MEGF6: variants seen among roughly 807,000 people sequenced by gnomAD.
The protein encoded by MEGF6 is multiple epidermal growth factor-like domains protein 6.
MEGF6 carries 184 observed loss-of-function variants against 207.1 expected under a neutral mutation model. That is an observed-to-expected ratio of 0.89 (90% CI 0.79 to 1.00). The LOEUF (loss-of-function observed/expected upper bound fraction) is 1.00. Among genes scored for constraint, MEGF6 ranks in the 50% least tolerant of loss-of-function variants. MEGF6 has a pLI of 0.00. For synonymous variants in MEGF6, 1,038 were observed against 910.0 expected (o/e 1.14, Z -2.53); for missense variants, 2,282 against 2,202.9 (o/e 1.04, Z -0.72).
chr1:3,599,362 G>T (rs1350136869), intron 2 of MEGF6, among the ~76,000 whole-genome samples: 1 of 152,224 alleles, frequency 6.6e-6, no homozygotes, highest in African/African-American at 2.4e-5. Flanking sequence ...CCCTCGGGCT[G>T]TGGGGTGAGC....
rs772320790 is a variant in MEGF6 at position 3,515,443 on chromosome 1, C to G, written c.689G>C (p.Arg230Pro). The G allele has an allele frequency of 6.2e-7, 1 of 1,612,550 alleles. No homozygotes were observed. The highest frequency in any genetic ancestry group is 8.5e-7 in the Non-Finnish European group (1 of 1,179,916). The change falls in exon 6 of 37, where the codon CGG becomes CCG. Residue 230 changes from arginine (R) to proline (P), a missense_variant. Coordinates refer to ENST00000356575, the MANE Select transcript of MEGF6 (RefSeq NM_001409.4). The stretch of plus-strand genomic sequence containing the variant: ...GTCCTCCTGGAGCTGGAACCCGGGC[C>G]GGCACTGGCAGCGATGCCGAGTGAT... Reference protein sequence around the residue: ...LTITRHRCQCRPGFQLQEDGR... With the variant: ...LTITRHRCQCPPGFQLQEDGR...
At chr1:3,547,484 C>T (rs553138851) in intron 4 of MEGF6, among the ~76,000 whole-genome samples, 107 of 152,282 alleles carry the variant, frequency 7.0e-4, no homozygotes, top group African/African-American at 2.4e-3. Context: ...GTGTGTGTTC[C>T]GGTCAAGCGG....
intron 2 of MEGF6, 128 bp downstream of exon 2, chr1:3,602,338 C>T: frequency 2.2e-6 from 3 of 1,385,004 alleles, no homozygotes; most frequent in Non-Finnish European, 2.9e-6. Context: ...ATGAGGGCTT[C>T]AGGCAGGGGT....
Position 3,511,672 on chromosome 1 carries a change from A to G in MEGF6, c.992T>C (p.Ile331Thr), listed in dbSNP as rs1641350512. 6.2e-7 allele frequency: 1 copy of G among 1,608,726 alleles called. No homozygotes were observed. The highest frequency in any genetic ancestry group is 1.3e-5 in the African/African-American group (1 of 74,918). Residue 331 changes from isoleucine to threonine, a missense_variant, in exon 9 of 37, where the codon ATC becomes ACC. By Grantham distance (89) the Ile-to-Thr change is moderately conservative. Transcript: ENST00000356575. ...GRQCYRIEMEIVNSCEANNGG... is the reference protein window; with the variant it reads ...GRQCYRIEMETVNSCEANNGG... ...GTTGTTGGCCTCACAGCTGTTCACG[A>G]TTTCCATCTCAATCCCTGCCGTGAG...
chr1:3,511,978 T>A (rs1641366567), intron 8 of MEGF6, 28 bp downstream of exon 8: 2 of 1,611,416 alleles, frequency 1.2e-6, no homozygotes, highest in East Asian at 4.5e-5. Context: ...CCCGGGCACC[T>A]TCAGCCTGTT....
At chr1:3,562,063 AAGGGGT>A (rs1244270760) in intron 4 of MEGF6, among the ~76,000 whole-genome samples, 1 of 152,146 alleles carries the variant, frequency 6.6e-6, no homozygotes, top group Non-Finnish European at 1.5e-5. Flanking sequence ...AACCAAGGGT[AAGGGGT>A]AGGGGTAGGG....
upstream of MEGF6, among the ~76,000 whole-genome samples, chr1:3,615,905 A>T (rs1431792208): frequency 6.6e-6 from 1 of 152,250 alleles, no homozygotes; most frequent in African/African-American, 2.4e-5. Context: ...AGTAGACATA[A>T]GGAGTGGACA....
intron 35 of MEGF6, among the ~76,000 whole-genome samples, chr1:3,492,393 C>G (rs1033159784): frequency 4.6e-5 from 7 of 151,944 alleles, no homozygotes; most frequent in Non-Finnish European, 1.0e-4. Flanking sequence ...TGGGCTGTTT[C>G]CAGCTGGCAG....
chr1:3,536,117 A>G (rs914903447), intron 4 of MEGF6, among the ~76,000 whole-genome samples: 4 of 151,760 alleles, frequency 2.6e-5, no homozygotes, highest in Non-Finnish European at 5.9e-5. Flanking sequence ...CTAGACACTC[A>G]CCCTTCCTCC....
intron 13 of MEGF6, 145 bp from the exon 14 acceptor site, chr1:3,508,068 C>T: frequency 1.2e-6 from 1 of 838,604 alleles, no homozygotes. Context: ...TGCCCATGCT[C>T]ATGGCAGACA....
intron 2 of MEGF6, among the ~76,000 whole-genome samples, chr1:3,596,961 G>C (rs1350426250): frequency 6.6e-6 from 1 of 152,054 alleles, no homozygotes; most frequent in African/African-American, 2.4e-5. Context: ...TCCTTGTCTG[G>C]GCCTCTTCCA....
At chr1:3,492,550 T>C (rs1235196835) in intron 35 of MEGF6, 89 bp downstream of exon 35, 1 of 1,562,192 alleles carries the variant, frequency 6.4e-7, no homozygotes. Flanking sequence ...AACTCCGCAG[T>C]GGGTGAGAGA....
intron 1 of MEGF6, among the ~76,000 whole-genome samples, chr1:3,603,063 C>T (rs1557427740): frequency 1.3e-5 from 2 of 152,310 alleles, no homozygotes; most frequent in East Asian, 1.9e-4. Flanking sequence ...CCGGGCCCAT[C>T]CCCTGTGAAG....
At chr1:3,588,380 G>C (rs1643926196) in intron 3 of MEGF6, among the ~76,000 whole-genome samples, 1 of 30,714 alleles carries the variant, frequency 3.3e-5, no homozygotes, top group African/African-American at 1.4e-4. Context: ...GAGTGGCCAG[G>C]AGGGGGCAGG....
chr1:3,490,736 C>T, intron 36 of MEGF6, 147 bp from the exon 37 acceptor site: 1 of 1,183,526 alleles, frequency 8.4e-7, no homozygotes, highest in East Asian at 2.6e-5. Flanking sequence ...TCCTTCCCAG[C>T]CTGTCCTTCC....
At chr1:3,496,903 G>A (rs1640630263) in intron 28 of MEGF6, 85 bp downstream of exon 28, 3 of 1,525,950 alleles carry the variant, frequency 2.0e-6, no homozygotes, top group Non-Finnish European at 2.6e-6. Context: ...CCTCAGATGA[G>A]GGCCTTCCCG....
chr1:3,574,788 G>A lies in MEGF6; in HGVS notation c.481+5037C>T, dbSNP rs540033984. ...CTCCTGGGTAGCTGGAATTAGAGGC[G>A]CCCGCCACCACACCTGGCTAATTTT... On this transcript the variant is annotated intron_variant, in intron 4 of 36. Coordinates refer to ENST00000356575, the MANE Select transcript of MEGF6 (RefSeq NM_001409.4). 3.5e-3 allele frequency among the ~76,000 whole-genome samples: 528 copies of A among 152,186 alleles called. 13 individuals carry two copies. Among genetic ancestry groups the A allele is most frequent in the Non-Finnish European group, 1.2e-3 (84 of 67,984 alleles).
chr1:3,527,878 G>A (rs1642019687), intron 4 of MEGF6, among the ~76,000 whole-genome samples: 1 of 152,156 alleles, frequency 6.6e-6, no homozygotes, highest in Non-Finnish European at 1.5e-5. Context: ...AGCCGGGTTC[G>A]GCTCCACCTC....
chr1:3,604,778 T>C (rs1431059991), intron 1 of MEGF6, among the ~76,000 whole-genome samples: 1 of 152,150 alleles, frequency 6.6e-6, no homozygotes, highest in African/African-American at 2.4e-5. Flanking sequence ...CCCAGCACTG[T>C]TGGGCCTCTG....
Sources: allele counts gnomAD v4.1 joint callset (sites outside exome capture counted in the v4.1 genomes callset), GRCh38; gene constraint gnomAD v4.1.1; transcripts MANE v1.5; gene names NCBI Gene and HGNC (gene_info 2026-07-23, HGNC 2026-07-21).